ARHGEF12: variants seen among roughly 807,000 people sequenced by gnomAD.
The protein encoded by ARHGEF12 is KMT2A/ARHGEF12 fusion protein.
In ARHGEF12, 66 loss-of-function variants were observed where a neutral mutation model predicts 211.2. The ratio of observed to expected loss-of-function variants is 0.31; its 90% CI spans 0.26 to 0.38. ARHGEF12 has a LOEUF of 0.38. Ranked by LOEUF, ARHGEF12 falls within the 10% of genes least tolerant of loss-of-function variation. The pLI is 1.00. For synonymous variants in ARHGEF12, 592 were observed against 638.4 expected (o/e 0.93, Z 1.09); for missense variants, 1,429 against 1,869.5 (o/e 0.76, Z 4.34).
At chr11:120,402,592 A>G (rs4373935) in intron 1 of ARHGEF12, among the ~76,000 whole-genome samples, 28,618 of 152,144 alleles carry the variant, frequency 0.19, 3,049 homozygotes, top group Non-Finnish European at 0.23. Context: ...CATTTCAACC[A>G]TTCCTTATTA....
chr11:120,388,896 CTT>C (rs1028758663), intron 1 of ARHGEF12, among the ~76,000 whole-genome samples: 10 of 151,274 alleles, frequency 6.6e-5, no homozygotes, highest in South Asian at 2.1e-4. Context: ...GAGTTTTGCT[CTT>C]GTTTCCCAGG....
At chr11:120,445,575 A>G in intron 16 of ARHGEF12, 111 bp downstream of exon 16, 3 of 1,076,986 alleles carry the variant, frequency 2.8e-6, no homozygotes, top group Non-Finnish European at 4.3e-6. Context: ...CACCTGAATC[A>G]CAACAGAAAG....
chr11:120,463,930 C>A (rs796457785), intron 27 of ARHGEF12: 25 of 152,282 alleles, frequency 1.6e-4, no homozygotes, highest in African/African-American at 5.8e-4. Flanking sequence ...TATTAAAAAA[C>A]AATGTATTTG....
At chr11:120,422,495 G>A (rs1945222135) in intron 6 of ARHGEF12, among the ~76,000 whole-genome samples, 2 of 152,134 alleles carry the variant, frequency 1.3e-5, no homozygotes, top group South Asian at 4.1e-4. Flanking sequence ...ATGCACAAAA[G>A]TATTTAAAAT....
intron 4 of ARHGEF12, among the ~76,000 whole-genome samples, chr11:120,412,694 C>G (rs781254797): frequency 2.6e-5 from 4 of 152,136 alleles, no homozygotes; most frequent in Non-Finnish European, 4.4e-5. Flanking sequence ...TCTAAGTGTC[C>G]CATAAATTCA....
chr11:120,364,156 G>A (rs769515857), intron 1 of ARHGEF12, among the ~76,000 whole-genome samples: 1 of 152,112 alleles, frequency 6.6e-6, no homozygotes, highest in Non-Finnish European at 1.5e-5. Flanking sequence ...TCGTCAGTCT[G>A]TAAATATTTG....
At chr11:120,484,399 T>C (rs756490190) in intron 39 of ARHGEF12, 39 bp from the exon 40 acceptor site, 3 of 1,579,110 alleles carry the variant, frequency 1.9e-6, no homozygotes, top group Non-Finnish European at 2.6e-6. Context: ...TTTTGTTTCA[T>C]TACGTTTGAA....
At chr11:120,343,513 G>C (rs1942599331) in intron 1 of ARHGEF12, among the ~76,000 whole-genome samples, 1 of 152,170 alleles carries the variant, frequency 6.6e-6, no homozygotes, top group African/African-American at 2.4e-5. Flanking sequence ...TTTAGTAAAA[G>C]AAAAAATACA....
At chr11:120,341,820 C>T (rs1403780445) in intron 1 of ARHGEF12, among the ~76,000 whole-genome samples, 1 of 152,230 alleles carries the variant, frequency 6.6e-6, no homozygotes, top group East Asian at 1.9e-4. Flanking sequence ...TGCTCCTTTC[C>T]CTTATAATAA....
chr11:120,379,600 A>G (rs1943823274), intron 1 of ARHGEF12, among the ~76,000 whole-genome samples: 1 of 151,900 alleles, frequency 6.6e-6, no homozygotes, highest in African/African-American at 2.4e-5. Flanking sequence ...ATTAACAGAT[A>G]TTGAATTTAG....
At chr11:120,448,004 C>A (rs1409069478) in intron 19 of ARHGEF12, 98 bp downstream of exon 19, 2 of 1,012,920 alleles carry the variant, frequency 2.0e-6, no homozygotes, top group Non-Finnish European at 1.4e-6. Context: ...TTTTAACTTA[C>A]AAATACAGTT....
rs925943489 is a variant in ARHGEF12, at chr11:120,477,451, GATA to G, written c.3460_3462del (p.Asn1154del). 1.2e-5 allele frequency: 18 copies of G among 1,513,790 alleles called. No individual in the cohort carries two copies. The highest frequency in any genetic ancestry group is 1.6e-5 in the Non-Finnish European group (18 of 1,096,096). The allele number at this position is 1,513,790 out of a possible 1,614,324, so 93.8% of individuals were successfully genotyped here. ...TTTTTTTTTTTTTCTCTACAGAGGA[GATA>G]ATGATGAAGAAGATCCTTCAAAATT... is the stretch of plus-strand genomic sequence containing the variant. On this transcript the variant is annotated inframe_deletion, in exon 36 of 41. Coordinates refer to ENST00000397843, the MANE Select transcript of ARHGEF12 (RefSeq NM_015313.3).
chr11:120,337,186 G>T lies in ARHGEF12; in HGVS notation c.-58G>T. 2.5e-6 allele frequency: 4 copies of T among 1,605,914 alleles called. No individual in the cohort carries two copies. The highest frequency in any genetic ancestry group is 3.4e-6 in the Non-Finnish European group (4 of 1,172,486). On this transcript the variant is annotated 5_prime_UTR_variant, in exon 1 of 41. Transcript: ENST00000397843. ...ATCCCAGAGCACTGGGGGTGGGGAG[G>T]AGGTGTTACTGTAAAATGCAAGTTG...
At chr11:120,405,998 T>A in intron 1 of ARHGEF12, 120 bp from the exon 2 acceptor site, 1 of 697,822 alleles carries the variant, frequency 1.4e-6, no homozygotes, top group Non-Finnish European at 2.4e-6. Context: ...TGATTCTTGC[T>A]ATTGGAAAGT....
chr11:120,378,333 T>A (rs1294415283), intron 1 of ARHGEF12, among the ~76,000 whole-genome samples: 1 of 152,232 alleles, frequency 6.6e-6, no homozygotes, highest in Non-Finnish European at 1.5e-5. Context: ...TCTGTTCAAG[T>A]CTTTTAAGAA....
intron 1 of ARHGEF12, among the ~76,000 whole-genome samples, chr11:120,375,485 T>C (rs1353725847): frequency 6.6e-6 from 1 of 152,158 alleles, no homozygotes; most frequent in Non-Finnish European, 1.5e-5. Flanking sequence ...ACAATTATTT[T>C]CTTTGTTCCT....
At chr11:120,397,568 C>T (rs1283297908) in intron 1 of ARHGEF12, among the ~76,000 whole-genome samples, 1 of 152,132 alleles carries the variant, frequency 6.6e-6, no homozygotes, top group Non-Finnish European at 1.5e-5. Flanking sequence ...AATTAAATAG[C>T]CATATCACAG....
intron 24 of ARHGEF12, 101 bp downstream of exon 24, chr11:120,457,857 C>G: frequency 7.7e-7 from 1 of 1,303,902 alleles, no homozygotes; most frequent in Non-Finnish European, 1.1e-6. Flanking sequence ...CCCTGTATAC[C>G]AATCTGTTAT....
chr11:120,446,619 C>G, intron 17 of ARHGEF12, 111 bp downstream of exon 17: 1 of 795,106 alleles, frequency 1.3e-6, no homozygotes, highest in Non-Finnish European at 2.0e-6. Context: ...ACCATATGGT[C>G]TTATTGTTAT....
Sources: allele counts gnomAD v4.1 joint callset (sites outside exome capture counted in the v4.1 genomes callset), GRCh38; gene constraint gnomAD v4.1.1; transcripts MANE v1.5; gene names NCBI Gene and HGNC (gene_info 2026-07-23, HGNC 2026-07-21).